NADK2: variants seen among roughly 807,000 people sequenced by gnomAD.
NADK2 encodes NAD kinase 2, mitochondrial, also known as NAD kinase domain-containing protein 1, mitochondrial.
Under a neutral mutation model 62.1 loss-of-function variants are expected in NADK2, and 35 were observed. The observed-to-expected ratio is 0.56, with a 90% CI of 0.43 to 0.75. NADK2 has a LOEUF of 0.75. Ranked by LOEUF, NADK2 falls within the 30% of genes least tolerant of loss-of-function variation. NADK2 has a pLI of 0.00. For synonymous variants in NADK2, 205 were observed against 207.9 expected (o/e 0.99, Z 0.12); for missense variants, 439 against 561.3 (o/e 0.78, Z 2.20).
intron 6 of NADK2, among the ~76,000 whole-genome samples, chr5:36,215,217 A>T (rs1013527105): frequency 6.6e-6 from 1 of 152,036 alleles, no homozygotes; most frequent in Non-Finnish European, 1.5e-5. Flanking sequence ...GGTGTAGAAC[A>T]TTTTACCATT....
At chr5:36,216,686 C>T (rs1160929110) in intron 6 of NADK2, among the ~76,000 whole-genome samples, 3 of 151,952 alleles carry the variant, frequency 2.0e-5, no homozygotes. Context: ...ATAAACTAAA[C>T]ACAGTGAATC....
intron 4 of NADK2, among the ~76,000 whole-genome samples, chr5:36,222,196 A>C (rs1359759476): frequency 6.6e-6 from 1 of 151,594 alleles, no homozygotes; most frequent in African/African-American, 2.4e-5. Flanking sequence ...CAAGAAACAC[A>C]GAAGTGAGTA....
intron 6 of NADK2, among the ~76,000 whole-genome samples, chr5:36,216,693 A>T (rs1747057673): frequency 6.6e-6 from 1 of 152,104 alleles, no homozygotes; most frequent in African/African-American, 2.4e-5. Flanking sequence ...AAACACAGTG[A>T]ATCTGAGGAA....
chr5:36,238,787 T>C (rs1406468101), intron 1 of NADK2, among the ~76,000 whole-genome samples: 1 of 152,140 alleles, frequency 6.6e-6, no homozygotes, highest in Non-Finnish European at 1.5e-5. Flanking sequence ...GGTCAATCAA[T>C]GGGGAAAAAG....
intron 4 of NADK2, among the ~76,000 whole-genome samples, chr5:36,224,712 T>C (rs572319180): frequency 3.9e-5 from 6 of 152,084 alleles, no homozygotes; most frequent in Non-Finnish European, 7.4e-5. Flanking sequence ...GCTGTTAAGG[T>C]AGAAGGCTAC....
chr5:36,222,775 C>T (rs147620682), intron 4 of NADK2, among the ~76,000 whole-genome samples: 1 of 152,018 alleles, frequency 6.6e-6, no homozygotes, highest in East Asian at 1.9e-4. Flanking sequence ...TTAGTGGCAG[C>T]GAGGATGGCA....
chr5:36,225,841 T>G (rs931364428), intron 3 of NADK2, among the ~76,000 whole-genome samples: 2 of 152,186 alleles, frequency 1.3e-5, no homozygotes, highest in African/African-American at 4.8e-5. Context: ...GCAGAATAAT[T>G]CTTTGTTGTG....
chr5:36,235,988 A>C (rs1030613464), intron 1 of NADK2, among the ~76,000 whole-genome samples: 2 of 152,002 alleles, frequency 1.3e-5, no homozygotes, highest in African/African-American at 4.8e-5. Flanking sequence ...TGTACATTAC[A>C]AAGTTCACTG....
chr5:36,219,705 T>C (rs753933418), intron 4 of NADK2, 26 bp from the exon 5 acceptor site: 1 of 1,589,178 alleles, frequency 6.3e-7, no homozygotes. Flanking sequence ...AATTTTTTGG[T>C]GATATAAAGA....
intron 7 of NADK2, among the ~76,000 whole-genome samples, chr5:36,209,261 C>T (rs1221708277): frequency 1.3e-5 from 2 of 152,028 alleles, no homozygotes; most frequent in Non-Finnish European, 2.9e-5. Context: ...TCATTACTGC[C>T]ACAGAAAATA....
At chr5:36,201,530 GA>G (rs1254423565) in intron 8 of NADK2, among the ~76,000 whole-genome samples, 1 of 151,838 alleles carries the variant, frequency 6.6e-6, no homozygotes, top group Admixed American at 6.6e-5. Context: ...GGTACCCATA[GA>G]AAGCTGACTG....
chr5:36,197,046 C>T (rs1158095462), intron 11 of NADK2, among the ~76,000 whole-genome samples: 1 of 151,858 alleles, frequency 6.6e-6, no homozygotes, highest in Non-Finnish European at 1.5e-5. Context: ...GAAATTACAT[C>T]CACTTTTTTA....
chr5:36,210,838 T>C (rs1284244743), intron 7 of NADK2, among the ~76,000 whole-genome samples: 1 of 152,218 alleles, frequency 6.6e-6, no homozygotes, highest in African/African-American at 2.4e-5. Flanking sequence ...ACTGCAAATT[T>C]ATACTTACTA....
At chr5:36,233,525 G>A (rs1027268247) in intron 1 of NADK2, among the ~76,000 whole-genome samples, 1 of 152,078 alleles carries the variant, frequency 6.6e-6, no homozygotes, top group African/African-American at 2.4e-5. Context: ...TTTTCAAATT[G>A]TCTTAAAGTG....
At chr5:36,237,238 TAGC>T (rs1452601561) in intron 1 of NADK2, among the ~76,000 whole-genome samples, 1 of 152,200 alleles carries the variant, frequency 6.6e-6, no homozygotes, top group African/African-American at 2.4e-5. Context: ...ATGTGTTTAA[TAGC>T]AGAAGATAAA....
At chr5:36,212,927 C>G (rs1746904178) in intron 6 of NADK2, 1 of 152,198 alleles carries the variant, frequency 6.6e-6, no homozygotes, top group South Asian at 2.1e-4. Flanking sequence ...CAGAATATGG[C>G]AGCAGTGATG....
At chr5:36,227,341 C>T in intron 2 of NADK2, 136 bp downstream of exon 2, 1 of 402,802 alleles carries the variant, frequency 2.5e-6, no homozygotes. Flanking sequence ...GATCCATTAA[C>T]CTTGATATAA....
chr5:36,211,336 G>A (rs1035949525), intron 7 of NADK2, among the ~76,000 whole-genome samples: 13 of 151,956 alleles, frequency 8.6e-5, no homozygotes, highest in African/African-American at 2.2e-4. Flanking sequence ...GGCTTCAGCC[G>A]GTCTCTCAGT....
In NADK2 at chr5:36,217,752, A is replaced by T. The variant is rs374109481; in HGVS notation, c.777T>A (p.Asp259Glu). Residue 259 changes from aspartate to glutamate, a missense_variant, in exon 6 of 12, where the codon GAT (aspartate) becomes GAA (glutamate). By Grantham distance (45) the Asp-to-Glu change is conservative. Transcript: ENST00000381937. The part of the protein sequence containing the change: ...NRALNIERAH[D>E]ERSEASGPQL... ...TCTGATGCCCAATCCACCTACTTTCATCATGAGCTCTTTCAATGTTAAGGG... is the reference window on the plus strand; with the variant it reads ...TCTGATGCCCAATCCACCTACTTTCTTCATGAGCTCTTTCAATGTTAAGGG... 1.9e-5 allele frequency: 30 copies of T among 1,613,794 alleles called. No individual in the cohort carries two copies. In the African/African-American group the frequency reaches 3.9e-4, roughly 21 times the overall value.
Sources: allele counts gnomAD v4.1 joint callset (sites outside exome capture counted in the v4.1 genomes callset), GRCh38; gene constraint gnomAD v4.1.1; transcripts MANE v1.5; gene names NCBI Gene and HGNC (gene_info 2026-07-23, HGNC 2026-07-21).